The following GPHN variants were observed in gnomAD, a reference collection of about 807,000 sequenced individuals.
The protein encoded by GPHN is gephyrin.
GPHN carries 17 observed loss-of-function variants against 95.5 expected under a neutral mutation model. That is an observed-to-expected ratio of 0.18 (90% CI 0.12 to 0.27). The LOEUF (loss-of-function observed/expected upper bound fraction) is 0.27, where lower values mean the gene tolerates loss of function less well. GPHN is among the 10% of genes least tolerant of loss of function. The pLI is 1.00. For missense variants in GPHN, 660 were observed against 978.1 expected, an observed-to-expected ratio of 0.67 and a Z score of 4.34; for synonymous variants, 320 against 322.5, an observed-to-expected ratio of 0.99 and a Z score of 0.08.
At chr14:67,093,926 T>C (rs2077240293) in intron 12 of GPHN, among the ~76,000 whole-genome samples, 1 of 152,164 alleles carries the variant, frequency 6.6e-6, no homozygotes, top group Non-Finnish European at 1.5e-5. Context: ...TCTTGCAGTC[T>C]CAGACAGTGT....
chr14:67,192,729 G>A, the GPHN span, among the ~76,000 whole-genome samples: 1 of 150,154 alleles, frequency 6.7e-6, no homozygotes, highest in Non-Finnish European at 1.5e-5. Flanking sequence ...AAAATTTAAT[G>A]TTATGGGGAT....
the GPHN span, among the ~76,000 whole-genome samples, chr14:67,391,270 TA>T: frequency 4.1e-5 from 6 of 145,184 alleles, no homozygotes; most frequent in Admixed American, 3.4e-4. Context: ...AAGCAGCTGA[TA>T]TGTGTGTGTG....
At chr14:67,511,107 C>T in the GPHN span, among the ~76,000 whole-genome samples, 1 of 152,160 alleles carries the variant, frequency 6.6e-6, no homozygotes, top group Non-Finnish European at 1.5e-5. Context: ...ACGGATCATT[C>T]CAGAAGCTCA....
the GPHN span, among the ~76,000 whole-genome samples, chr14:67,193,380 G>GATATATCTAGATATATATCT: frequency 7.9e-6 from 1 of 126,064 alleles, no homozygotes; most frequent in Non-Finnish European, 1.7e-5. Context: ...TATATATCTA[G>GATATATCTAGATATATATCT]ATATATCTAG....
At chr14:67,313,136 C>T in the GPHN span, among the ~76,000 whole-genome samples, 2 of 152,094 alleles carry the variant, frequency 1.3e-5, no homozygotes, top group Non-Finnish European at 2.9e-5. Flanking sequence ...GATCTTAGGG[C>T]AGAAACAGGA....
intron 3 of GPHN, among the ~76,000 whole-genome samples, chr14:66,785,517 T>A (rs2059741513): frequency 6.6e-6 from 1 of 151,142 alleles, no homozygotes; most frequent in African/African-American, 2.4e-5. Context: ...AAAACAGCAA[T>A]CTTAAAAGTA....
intron 4 of GPHN, among the ~76,000 whole-genome samples, chr14:66,835,666 G>T (rs1259138733): frequency 6.6e-6 from 1 of 152,138 alleles, no homozygotes; most frequent in Non-Finnish European, 1.5e-5. Flanking sequence ...GTCCGTGTCT[G>T]CAGATGACAT....
the GPHN span, among the ~76,000 whole-genome samples, chr14:67,443,430 AGAAAG>A: frequency 6.6e-6 from 1 of 152,158 alleles, no homozygotes; most frequent in African/African-American, 2.4e-5. Context: ...TGACAGGAAA[AGAAAG>A]GAAAGAAGGC....
intron 22 of GPHN, 73 bp downstream of exon 22, chr14:67,179,747 T>C (rs2083223860): frequency 1.2e-6 from 1 of 836,570 alleles, no homozygotes; most frequent in African/African-American, 1.7e-5. Flanking sequence ...ATAATCTTCC[T>C]TGGTTATGAC....
intron 2 of GPHN, among the ~76,000 whole-genome samples, chr14:66,731,314 G>C (rs2071747760): frequency 6.6e-6 from 1 of 152,208 alleles, no homozygotes; most frequent in South Asian, 2.1e-4. Flanking sequence ...GGAATAGTTT[G>C]TAGGGCTCAA....
intron 1 of GPHN, among the ~76,000 whole-genome samples, chr14:66,566,382 G>GT (rs563265681): frequency 3.8e-4 from 58 of 151,790 alleles, no homozygotes; most frequent in South Asian, 1.5e-3. Flanking sequence ...GAGATTTTTT[G>GT]TTTTTTTTAA....
chr14:67,314,502 A>T, the GPHN span, among the ~76,000 whole-genome samples: 2 of 152,218 alleles, frequency 1.3e-5, no homozygotes, highest in African/African-American at 4.8e-5. Context: ...TTAGAGTATG[A>T]TGCTAAAACC....
At chr14:67,278,406 G>A in the GPHN span, among the ~76,000 whole-genome samples, 1 of 149,698 alleles carries the variant, frequency 6.7e-6, no homozygotes, top group South Asian at 2.1e-4. Flanking sequence ...TTGTCTCAAT[G>A]TAGTTTTGTC....
the GPHN span, among the ~76,000 whole-genome samples, chr14:67,582,496 G>C: frequency 2.0e-5 from 3 of 152,074 alleles, no homozygotes; most frequent in Admixed American, 2.0e-4. This position sits in a 1 kb window ranked among gnomAD's most constrained non-coding sequence, Gnocchi z 5.0. Flanking sequence ...ACTTCTCTAT[G>C]CTTTAGTTTC....
intron 9 of GPHN, among the ~76,000 whole-genome samples, chr14:67,008,128 C>G (rs965163012): frequency 6.6e-6 from 1 of 151,982 alleles, no homozygotes; most frequent in Non-Finnish European, 1.5e-5. Context: ...TTTAAACATC[C>G]CACCTGCAAG....
At chr14:67,315,866 G>C in the GPHN span, among the ~76,000 whole-genome samples, 1 of 152,186 alleles carries the variant, frequency 6.6e-6, no homozygotes, top group Non-Finnish European at 1.5e-5. Context: ...CGGAGGTTGC[G>C]GTGAGCCAAG....
chr14:67,165,123 C>T (rs2082200210), intron 19 of GPHN, 39 bp from the exon 20 acceptor site: 4 of 1,389,290 alleles, frequency 2.9e-6, no homozygotes, highest in Admixed American at 1.7e-5. Context: ...CATCATATTG[C>T]TTAGCAATCA....
the GPHN span, among the ~76,000 whole-genome samples, chr14:67,356,431 A>C: frequency 1.6e-5 from 2 of 126,840 alleles, no homozygotes; most frequent in Non-Finnish European, 3.0e-5. Context: ...AAAAAAACAA[A>C]AACAAAAAAA....
the GPHN span, among the ~76,000 whole-genome samples, chr14:67,377,117 T>G: frequency 6.6e-6 from 1 of 152,254 alleles, no homozygotes; most frequent in Non-Finnish European, 1.5e-5. Context: ...TTTTTCTCCC[T>G]GTCTTTTCGC....
Sources: allele counts gnomAD v4.1 joint callset (sites outside exome capture counted in the v4.1 genomes callset), GRCh38; gene constraint gnomAD v4.1.1; non-coding constraint Gnocchi (gnomAD v3.1); transcripts MANE v1.5; gene names NCBI Gene and HGNC (gene_info 2026-07-23, HGNC 2026-07-21).